NEMF: variants seen among roughly 807,000 people sequenced by gnomAD.
NEMF encodes the protein nuclear export mediator factor, also known as ribosome quality control complex subunit NEMF.
Under a neutral mutation model 162.2 loss-of-function variants are expected in NEMF, and 89 were observed. The observed-to-expected ratio is 0.55, with a 90% CI of 0.46 to 0.65. The LOEUF (loss-of-function observed/expected upper bound fraction) is 0.65. Among genes scored for constraint, NEMF ranks in the 30% least tolerant of loss-of-function variants. NEMF has a pLI of 0.00. For synonymous variants in NEMF, 421 were observed against 404.5 expected, an observed-to-expected ratio of 1.04 and a Z score of -0.49; for missense variants, 1,133 against 1,261.9, an observed-to-expected ratio of 0.90 and a Z score of 1.55.
At chr14:49,804,681 T>G (rs1279952782) in intron 19 of NEMF, among the ~76,000 whole-genome samples, 1 of 150,792 alleles carries the variant, frequency 6.6e-6, no homozygotes, top group Non-Finnish European at 1.5e-5. Context: ...AAAAAAAAAT[T>G]TATACATCTG....
chr14:49,799,428 A>C, intron 25 of NEMF, 47 bp downstream of exon 25: 1 of 1,529,450 alleles, frequency 6.5e-7, no homozygotes, highest in South Asian at 1.2e-5. Flanking sequence ...TCAATTAAAA[A>C]AAAAAGAAAA....
At chr14:49,784,755 G>A in intron 32 of NEMF, 42 bp from the exon 33 acceptor site, 1 of 1,523,596 alleles carries the variant, frequency 6.6e-7, no homozygotes, top group Non-Finnish European at 9.0e-7. Flanking sequence ...ATCCTGTATG[G>A]TCAATCATGT....
intron 26 of NEMF, among the ~76,000 whole-genome samples, chr14:49,791,418 G>A (rs1594726263): frequency 1.3e-5 from 2 of 152,032 alleles, no homozygotes; most frequent in African/African-American, 4.8e-5. Context: ...TATCTGAGTG[G>A]TGGTTTCACA....
Position 49,795,796 on chromosome 14 carries a change from G to A in NEMF, c.2614C>T (p.Gln872Ter). 6.2e-7 allele frequency: 1 copy of A among 1,609,626 alleles called. No individual in the cohort carries two copies. The highest frequency in any genetic ancestry group is 8.5e-7 in the Non-Finnish European group (1 of 1,178,936). Residue 872 changes from glutamine to a stop codon, truncating the protein, a stop_gained, in exon 26 of 33, where the codon CAA becomes TAA. Coordinates refer to ENST00000298310, the MANE Select transcript of NEMF (RefSeq NM_004713.6). LOFTEE classifies it high-confidence loss of function. The stretch of plus-strand genomic sequence containing the variant: ...TAGATCATCCTGAAGTTTACCTTTT[G>A]TCCTCGTTTCATTGGCTGCACAGCC... ...VAAVQPMKRG[Q>*]KSKMKKMKEK...
Position 49,785,017 on chromosome 14 carries a change from A to T in NEMF, c.3074-13T>A. The T allele has an allele frequency of 6.2e-7, 1 of 1,612,308 alleles. No homozygotes were observed. On this transcript the variant is annotated splice_polypyrimidine_tract_variant and intron_variant, in intron 31 of 32. Coordinates refer to ENST00000298310, the MANE Select transcript of NEMF (RefSeq NM_004713.6). ...GCTGTTTTTGCAGCTGTAAATACAAAAAAGAGTAAGAATAATCTACTGTTA... is the reference window on the plus strand; with the variant it reads ...GCTGTTTTTGCAGCTGTAAATACAATAAAGAGTAAGAATAATCTACTGTTA...
rs1280235819 is a variant in NEMF, at chr14:49,841,669, A to AT, written c.358-804dup. Among the ~76,000 whole-genome samples the AT allele has an allele frequency of 2.0e-5, 3 of 152,208 alleles. No homozygotes were observed. In the East Asian group the frequency reaches 5.8e-4, roughly 29 times the overall value. On this transcript the variant is annotated intron_variant, in intron 4 of 32. Transcript: ENST00000298310. ...GGAACATATTACACTTCCACCTGCA[A>AT]TTTGTCTTTTAATATTAATAGTTAC...
At chr14:49,828,541 T>A (rs1014399175) in intron 14 of NEMF, 75 bp downstream of exon 14, 18 of 1,292,264 alleles carry the variant, frequency 1.4e-5, no homozygotes, top group Non-Finnish European at 1.8e-5. Context: ...AAATTTAAAA[T>A]TTTTTAAAAT....
intron 32 of NEMF, 49 bp from the exon 33 acceptor site, chr14:49,784,762 A>G (rs774939999): frequency 1.3e-6 from 2 of 1,524,088 alleles, no homozygotes; most frequent in Non-Finnish European, 1.8e-6. Context: ...ATGGTCAATC[A>G]TGTTTCTTTT....
chr14:49,826,102 G>T (rs1202361379), intron 15 of NEMF, 147 bp from the exon 16 acceptor site: 3 of 530,266 alleles, frequency 5.7e-6, no homozygotes, highest in Non-Finnish European at 1.0e-5. Context: ...ACACAAATAC[G>T]CATACTTGAA....
At chr14:49,795,685 C>A in intron 26 of NEMF, 106 bp downstream of exon 26, 1 of 1,024,548 alleles carries the variant, frequency 9.8e-7, no homozygotes, top group Non-Finnish European at 1.5e-6. Context: ...GGAAATCACA[C>A]AGGATTATTT....
rs764154282 is a variant in NEMF, at chr14:49,852,771, A to C, written c.-18T>G. 5.6e-6 allele frequency: 9 copies of C among 1,614,006 alleles called. No individual in the cohort carries two copies. Among genetic ancestry groups the C allele is most frequent in the Non-Finnish European group, 7.6e-6 (9 of 1,179,988 alleles). On this transcript the variant is annotated 5_prime_UTR_variant, in exon 1 of 33. Transcript: ENST00000298310. ...CTCTTCATGGCGAGGCCCGAGGGTC[A>C]CTACCGCAAGTTCCTCTACTGCCCG...
Position 49,832,233 on chromosome 14 carries a change from T to A in NEMF, c.780A>T (p.Ala260=), listed in dbSNP as rs1335224280. ...QKREIKPSLE[A]DKPVEDILTY... ...TCAGTATGTCTTCAACTGGTTTATC[T>A]GCTTCCAAGCTTGGTTTTATTTCTC... Residue 260 remains alanine, a synonymous_variant, in exon 9 of 33, where the codon GCA becomes GCT. Coordinates refer to ENST00000298310, the MANE Select transcript of NEMF (RefSeq NM_004713.6). 1 of 1,610,852 alleles carries A rather than the reference T, an allele frequency of 6.2e-7. No individual in the cohort carries two copies. The highest frequency in any genetic ancestry group is 1.3e-5 in the African/African-American group (1 of 74,846).
At chr14:49,834,636 C>G (rs534014172) in intron 6 of NEMF, among the ~76,000 whole-genome samples, 187 bp from the exon 7 acceptor site, 3 of 152,114 alleles carry the variant, frequency 2.0e-5, no homozygotes, top group Non-Finnish European at 4.4e-5. Context: ...GCACCCACCA[C>G]CATGCCCAGC....
chr14:49,846,097 A>T, intron 4 of NEMF, 43 bp downstream of exon 4: 1 of 1,570,808 alleles, frequency 6.4e-7, no homozygotes, highest in Non-Finnish European at 8.7e-7. Context: ...CAAAATGATT[A>T]ATAAGAAATT....
chr14:49,799,423 T>TAAA, intron 25 of NEMF, 52 bp downstream of exon 25: 1 of 1,270,394 alleles, frequency 7.9e-7, no homozygotes, highest in East Asian at 2.6e-5. Flanking sequence ...AGCTATCAAT[T>TAAA]AAAAAAAAAA....
intron 32 of NEMF, 58 bp downstream of exon 32, chr14:49,784,867 C>G: frequency 6.7e-7 from 1 of 1,489,324 alleles, no homozygotes; most frequent in Non-Finnish European, 9.3e-7. Context: ...CAAAAAACTG[C>G]TAACATTTTA....
intron 26 of NEMF, among the ~76,000 whole-genome samples, chr14:49,790,031 A>T (rs1394710714): frequency 6.6e-6 from 1 of 152,218 alleles, no homozygotes; most frequent in Non-Finnish European, 1.5e-5. Context: ...CCCTGATTAC[A>T]TCCCCAAATC....
At chr14:49,845,945 G>A (rs757970473) in intron 4 of NEMF, 195 bp downstream of exon 4, 1 of 564,044 alleles carries the variant, frequency 1.8e-6, no homozygotes. Flanking sequence ...GCTAAAGTCT[G>A]CCTAAACTCA....
chr14:49,791,734 TTAAAAA>T (rs1324765230), intron 26 of NEMF, among the ~76,000 whole-genome samples: 1 of 15,028 alleles, frequency 6.7e-5, no homozygotes, highest in Non-Finnish European at 1.9e-4. Flanking sequence ...GAGACTCCAT[TTAAAAA>T]AAAAAAAAAA....
Sources: gnomAD v4.1 joint callset for allele counts (sites outside exome capture counted in the v4.1 genomes callset) on GRCh38, gnomAD v4.1.1 for gene constraint, MANE v1.5 for transcripts, NCBI Gene and HGNC (gene_info 2026-07-23, HGNC 2026-07-21) for gene names.